The following RPA1 variants were observed in gnomAD, a reference collection of about 807,000 sequenced individuals.
RPA1 encodes the protein replication protein A1, also known as replication protein A 70 kDa DNA-binding subunit.
Under a neutral mutation model 83.0 loss-of-function variants are expected in RPA1, and 49 were observed. That is an observed-to-expected ratio of 0.59 (90% confidence interval 0.47 to 0.75). The LOEUF (loss-of-function observed/expected upper bound fraction) is 0.75, where lower values mean the gene tolerates loss of function less well. RPA1 is among the 30% of genes least tolerant of loss of function. The pLI is 0.00. For missense variants in RPA1, 693 were observed against 776.1 expected (o/e 0.89, Z 1.27); for synonymous variants, 279 against 281.8 (o/e 0.99, Z 0.10).
chr17:1,870,273 C>CAG (rs1486148524), intron 5 of RPA1, among the ~76,000 whole-genome samples: 4 of 152,126 alleles, frequency 2.6e-5, no homozygotes, highest in Admixed American at 2.6e-4. Context: ...ATACGTATTA[C>CAG]AGGGCTTGAT....
chr17:1,892,031 G>A, intron 15 of RPA1, 91 bp downstream of exon 15: 1 of 774,756 alleles, frequency 1.3e-6, no homozygotes, highest in Non-Finnish European at 2.0e-6. Flanking sequence ...TTTTGAGATG[G>A]AGTCTTGCCC....
At chr17:1,882,650 G>A (rs1913839284) in intron 12 of RPA1, among the ~76,000 whole-genome samples, 1 of 152,158 alleles carries the variant, frequency 6.6e-6, no homozygotes. Flanking sequence ...GGGTGACAAA[G>A]CAAGACTCTG....
At chr17:1,878,147 A>G (rs1413616605) in intron 8 of RPA1, among the ~76,000 whole-genome samples, 1 of 151,890 alleles carries the variant, frequency 6.6e-6, no homozygotes, top group East Asian at 1.9e-4. Context: ...AGGAGAATCA[A>G]TCGCCTGAAC....
At chr17:1,843,102 A>G (rs1196546846) in intron 2 of RPA1, among the ~76,000 whole-genome samples, 2 of 150,994 alleles carry the variant, frequency 1.3e-5, no homozygotes, top group Admixed American at 6.6e-5. Flanking sequence ...CTTCCTCCCC[A>G]CTGTTGATAG....
chr17:1,873,694 A>C (rs1913462361), intron 6 of RPA1, among the ~76,000 whole-genome samples: 1 of 151,966 alleles, frequency 6.6e-6, no homozygotes, highest in Non-Finnish European at 1.5e-5. Context: ...CAACTCAAAA[A>C]TTACATGCTG....
chr17:1,879,374 G>T lies in RPA1; in HGVS notation c.919G>T (p.Asp307Tyr). 6.2e-7 allele frequency: 1 copy of T among 1,614,148 alleles called. No homozygotes were observed. Among genetic ancestry groups the T allele is most frequent in the South Asian group, 1.1e-5 (1 of 91,060 alleles). The stretch of plus-strand genomic sequence containing the variant: ...TCAGTTTGATTTCACGGGGATTGAT[G>T]ACCTCGAGAACAAGTCGAAAGACTC... ...TVQFDFTGID[D>Y]LENKSKDSLV... Residue 307 changes from aspartate (D) to tyrosine (Y), a missense_variant, in exon 10 of 17, where the codon GAC becomes TAC. Transcript: ENST00000254719.
At position 1,883,182 on chromosome 17, in the gene RPA1, G is replaced by C. The variant is rs541556857; in HGVS notation, c.1242-630G>C. On this transcript the variant is annotated intron_variant, in intron 12 of 16. Transcript: ENST00000254719. ...AAAAAAATTTTTTTTTCGAGACGGA[G>C]TTTCGGTCTTGTTGCCCAGGCTGGA... 7.2e-4 allele frequency among the ~76,000 whole-genome samples: 109 copies of C among 152,254 alleles called. 1 individual carries two copies. The highest frequency in any genetic ancestry group is 2.6e-3 in the African/African-American group (108 of 41,558).
At position 1,879,640 on chromosome 17, in the gene RPA1, A is replaced by C; in HGVS notation, c.1033A>C (p.Asn345His). Residue 345 changes from asparagine to histidine, a missense_variant, in exon 11 of 17, where the codon AAT becomes CAT. By Grantham distance (68) the Asn-to-His change is moderately conservative (BLOSUM62 1). Coordinates refer to ENST00000254719, the MANE Select transcript of RPA1 (RefSeq NM_002945.5). ...RSNNREVAKRNIYLMDTSGKV... is the reference protein window; with the variant it reads ...RSNNREVAKRHIYLMDTSGKV... ...TAACAACAGAGAAGTTGCCAAGAGG[A>C]ATATCTACTTGATGGACACATCCGG... The C allele has an allele frequency of 6.2e-7, 1 of 1,614,258 alleles. No homozygotes were observed. The highest frequency in any genetic ancestry group is 8.5e-7 in the Non-Finnish European group (1 of 1,180,040).
rs895976729 is a variant in RPA1, at chr17:1,897,787, C to T, written c.*612C>T. ...TCCTTCAGGGTTTAATAGACTGAGT[C>T]AGATGGGTCTGATATTAATCAAAAT... On this transcript the variant is annotated 3_prime_UTR_variant, in exon 17 of 17. Transcript: ENST00000254719. 2.0e-5 allele frequency: 3 copies of T among 153,220 alleles called. No homozygotes were observed. The highest frequency in any genetic ancestry group is 7.2e-5 in the African/African-American group (3 of 41,462). The allele number at this position is 153,220 out of a possible 1,614,324, so 9.5% of individuals were successfully genotyped here.
Position 1,886,389 on chromosome 17 carries a change from T to C in RPA1, c.1375-2286T>C, listed in dbSNP as rs115923411. 7.6e-3 allele frequency among the ~76,000 whole-genome samples: 1,157 copies of C among 152,358 alleles called. 14 individuals are homozygous for C. Among genetic ancestry groups the C allele is most frequent in the African/African-American group, 0.026 (1,092 of 41,596 alleles). ...GTCAATGAGCACTGGCTTCACCTTA[T>C]AGTCCCCAGCTGCATTCGCGCCTAA... On this transcript the variant is annotated intron_variant, in intron 13 of 16. Coordinates refer to ENST00000254719, the MANE Select transcript of RPA1 (RefSeq NM_002945.5).
At chr17:1,866,961 A>C (rs745882187) in intron 5 of RPA1, among the ~76,000 whole-genome samples, 11 of 152,206 alleles carry the variant, frequency 7.2e-5, no homozygotes, top group Non-Finnish European at 1.2e-4. Flanking sequence ...ATGTGTATGC[A>C]GTTGGCATTC....
rs1333990625 is a variant in RPA1 at position 1,884,797 on chromosome 17, G to A, written c.1374+853G>A. Among the ~76,000 whole-genome samples, 2 of 152,164 alleles carry A rather than the reference G, an allele frequency of 1.3e-5. No homozygotes were observed. The highest frequency in any genetic ancestry group is 4.8e-5 in the African/African-American group (2 of 41,432). ...AGGCTGAGGCAGGTGGATTACATGA[G>A]CCCAGGAGTTCGACTGAGCAACATG... On this transcript the variant is annotated intron_variant, in intron 13 of 16. Coordinates refer to ENST00000254719, the MANE Select transcript of RPA1 (RefSeq NM_002945.5). The surrounding 1 kb of genome is among the most constrained non-coding windows in gnomAD (Gnocchi z 4.1).
rs17338760 is a variant in RPA1, at chr17:1,872,954, G to A, written c.454+428G>A. 5.9e-3 allele frequency among the ~76,000 whole-genome samples: 894 copies of A among 152,250 alleles called. 10 individuals carry two copies. The highest frequency in any genetic ancestry group is 0.02 in the African/African-American group (850 of 41,530). On this transcript the variant is annotated intron_variant, in intron 6 of 16. Coordinates refer to ENST00000254719, the MANE Select transcript of RPA1 (RefSeq NM_002945.5). ...GCCTCCCAAAGTGCTGGGATTATAAGTGTGAGCCAGGGTGTCCAGCCAAAG... is the reference window on the plus strand; with the variant it reads ...GCCTCCCAAAGTGCTGGGATTATAAATGTGAGCCAGGGTGTCCAGCCAAAG...
chr17:1,873,250 C>T (rs1032133509), intron 6 of RPA1, among the ~76,000 whole-genome samples: 7 of 152,144 alleles, frequency 4.6e-5, no homozygotes, highest in African/African-American at 1.7e-4. Context: ...GTCATAGGTT[C>T]TCCTTCTCAA....
intron 16 of RPA1, among the ~76,000 whole-genome samples, chr17:1,896,868 A>G (rs1914451721): frequency 6.6e-6 from 1 of 152,188 alleles, no homozygotes; most frequent in African/African-American, 2.4e-5. Context: ...AAGAATCAGA[A>G]GGGCCTGTGC....
intron 5 of RPA1, among the ~76,000 whole-genome samples, chr17:1,864,881 CAG>C (rs1913122058): frequency 1.3e-5 from 2 of 152,198 alleles, no homozygotes; most frequent in Non-Finnish European, 2.9e-5. Flanking sequence ...GCCTGGGCGA[CAG>C]AGTGAGACTT....
At chr17:1,835,524 T>G (rs139556597) in intron 1 of RPA1, among the ~76,000 whole-genome samples, 2 of 152,154 alleles carry the variant, frequency 1.3e-5, no homozygotes, top group Non-Finnish European at 2.9e-5. Context: ...CATATACTTT[T>G]CTTTCATAAG....
intron 7 of RPA1, 126 bp from the exon 8 acceptor site, chr17:1,877,086 C>A: frequency 1.2e-6 from 1 of 815,366 alleles, no homozygotes; most frequent in Non-Finnish European, 2.0e-6. Context: ...TTTTAATTAG[C>A]TGGATTAAAA....
At position 1,897,914 on chromosome 17, in the gene RPA1, C is replaced by G. The variant is rs766822389; in HGVS notation, c.*739C>G. ...TTACTTCTCACTTCAATTAATGCTGCGCTTCGCTTGGTGAGTGCGTACTTT... is the reference window on the plus strand; with the variant it reads ...TTACTTCTCACTTCAATTAATGCTGGGCTTCGCTTGGTGAGTGCGTACTTT... On this transcript the variant is annotated 3_prime_UTR_variant, in exon 17 of 17. Coordinates refer to ENST00000254719, the MANE Select transcript of RPA1 (RefSeq NM_002945.5). 3.3e-5 allele frequency: 5 copies of G among 152,584 alleles called. No homozygotes were observed. Among genetic ancestry groups the G allele is most frequent in the Non-Finnish European group, 7.3e-5 (5 of 68,054 alleles). 9.5% of individuals were successfully genotyped at this position (152,584 alleles called of 1,614,324 possible).
Sources: allele counts gnomAD v4.1 joint callset (sites outside exome capture counted in the v4.1 genomes callset), GRCh38; gene constraint gnomAD v4.1.1; non-coding constraint Gnocchi (gnomAD v3.1); transcripts MANE v1.5; gene names NCBI Gene and HGNC (gene_info 2026-07-23, HGNC 2026-07-21).